SDR39U1: variants seen among roughly 807,000 people sequenced by gnomAD.
The protein encoded by SDR39U1 is short chain dehydrogenase/reductase family 39U member 1.
Under a neutral mutation model 31.7 loss-of-function variants are expected in SDR39U1, and 29 were observed. The ratio of observed to expected loss-of-function variants is 0.92; its 90% CI spans 0.68 to 1.25. The LOEUF (loss-of-function observed/expected upper bound fraction) is 1.25. Among genes scored for constraint, SDR39U1 ranks in the 50% most tolerant of loss-of-function variants. The pLI, the probability that SDR39U1 is intolerant of heterozygous loss-of-function variation, is 0.00. For missense variants in SDR39U1, 403 were observed against 378.4 expected, an observed-to-expected ratio of 1.06 and a Z score of -0.54; for synonymous variants, 147 against 159.0, an observed-to-expected ratio of 0.92 and a Z score of 0.57.
chr14:24,440,876 C>T lies in SDR39U1; in HGVS notation c.379G>A (p.Gly127Arg), dbSNP rs1226575949. 10 of 1,614,024 alleles carry T rather than the reference C, an allele frequency of 6.2e-6. No homozygotes were observed. Among genetic ancestry groups the T allele is most frequent in the East Asian group, 2.2e-5 (1 of 44,882 alleles). ...AGGTTGGAGAAAAAGTCAAAGTCCC[C>T]TCCTGGGCTGTCTTCATCATACTCC... ...TAEYDEDSPGGDFDFFSNLVT... is the reference protein window; with the variant it reads ...TAEYDEDSPGRDFDFFSNLVT... The change falls in exon 5 of 6, where the codon GGG (glycine) becomes AGG (arginine). Residue 127 changes from glycine to arginine, a missense_variant. Coordinates refer to ENST00000399395, the MANE Select transcript of SDR39U1 (RefSeq NM_020195.3).
intron 3 of SDR39U1, 34 bp from the exon 4 acceptor site, chr14:24,441,829 A>G (rs757022141): frequency 2.5e-6 from 4 of 1,594,274 alleles, no homozygotes; most frequent in South Asian, 1.1e-5. Flanking sequence ...AAAAGCCACT[A>G]AATACATAAG....
upstream of SDR39U1, chr14:24,442,794 C>T (rs1566509031): frequency 1.2e-6 from 2 of 1,613,900 alleles, no homozygotes; most frequent in South Asian, 1.1e-5. Context: ...AACGCGCCTG[C>T]GTAAAGTTTA....
intron 4 of SDR39U1, 138 bp from the exon 5 acceptor site, chr14:24,441,064 C>G: frequency 1.0e-6 from 1 of 955,338 alleles, no homozygotes; most frequent in African/African-American, 1.6e-5. Context: ...GGATATTTTC[C>G]CCTTGAACTT....
Position 24,440,283 on chromosome 14 carries a change from A to G in SDR39U1, c.682T>C (p.Phe228Leu). Residue 228 changes from phenylalanine to leucine, a missense_variant, in exon 6 of 6, where the codon TTT (phenylalanine) becomes CTT (leucine). Transcript: ENST00000399395. Reference sequence around the variant, plus strand: ...AGGGCAGCACCCAAGGTCTGGGCAAACTCAGCATTAGTGGCGGAGGATGGA... The same window carrying G: ...AGGGCAGCACCCAAGGTCTGGGCAAGCTCAGCATTAGTGGCGGAGGATGGA... ...VAPSSATNAE[F>L]AQTLGAALGR... The G allele has an allele frequency of 6.2e-7, 1 of 1,613,998 alleles. No individual in the cohort carries two copies. The highest frequency in any genetic ancestry group is 8.5e-7 in the Non-Finnish European group (1 of 1,179,882).
intron 5 of SDR39U1, 116 bp from the exon 6 acceptor site, chr14:24,440,608 C>T (rs1397349319): frequency 1.4e-6 from 2 of 1,387,184 alleles, no homozygotes; most frequent in African/African-American, 1.4e-5. Flanking sequence ...GGCTCTGTAA[C>T]AGAAGTGAGC....
chr14:24,442,802 T>C (rs17184766), upstream of SDR39U1: 238,339 of 1,611,798 alleles, frequency 0.15, 18,111 homozygotes, highest in East Asian at 0.22. Context: ...TGCGTAAAGT[T>C]TAGAGTTTAC....
rs939959394 is a variant in SDR39U1 at position 24,442,029 on chromosome 14, G to C, written c.206+149C>G. 10 of 1,513,834 alleles carry C rather than the reference G, an allele frequency of 6.6e-6. No individual in the cohort carries two copies. In the Admixed American group the frequency reaches 1.4e-4, roughly 21 times the overall value. The allele number at this position is 1,513,834 out of a possible 1,614,324, so 93.8% of individuals were successfully genotyped here. ...CTGACTGGGTGGAGGAGCAGGTGGGGGTGGAGGAGTGGAGCAGAATGAGTA... is the reference window on the plus strand; with the variant it reads ...CTGACTGGGTGGAGGAGCAGGTGGGCGTGGAGGAGTGGAGCAGAATGAGTA... On this transcript the variant is annotated intron_variant, in intron 3 of 5. Coordinates refer to ENST00000399395, the MANE Select transcript of SDR39U1 (RefSeq NM_020195.3).
chr14:24,442,789 G>A (rs761290369), upstream of SDR39U1: 1 of 1,613,836 alleles, frequency 6.2e-7, no homozygotes, highest in Non-Finnish European at 8.5e-7. Flanking sequence ...GACCTAACGC[G>A]CCTGCGTAAA....
intron 5 of SDR39U1, 140 bp from the exon 6 acceptor site, chr14:24,440,632 T>G: frequency 7.4e-7 from 1 of 1,354,982 alleles, no homozygotes; most frequent in Non-Finnish European, 1.0e-6. Flanking sequence ...ATGGCTGTCT[T>G]TAAGACCTCA....
chr14:24,439,856 GA>G lies in SDR39U1; in HGVS notation c.*226del, dbSNP rs1326742414. ...GTGGGGCAGCTGCAGGACATGTAGA[GA>G]AACCAAACTGGGAAATCTTACAAGG... On this transcript the variant is annotated 3_prime_UTR_variant, in exon 6 of 6. Coordinates refer to ENST00000399395, the MANE Select transcript of SDR39U1 (RefSeq NM_020195.3). 4.0e-6 allele frequency: 2 copies of G among 498,274 alleles called. No individual in the cohort carries two copies. Among genetic ancestry groups the G allele is most frequent in the Admixed American group, 3.7e-5 (1 of 27,076 alleles). The allele number at this position is 498,274 out of a possible 1,614,324, so 30.9% of individuals were successfully genotyped here. A position where few individuals can be genotyped will look rare whatever the true frequency, so the allele number is the denominator to read the frequency against.
At chr14:24,441,075 C>T in intron 4 of SDR39U1, 149 bp from the exon 5 acceptor site, 1 of 859,526 alleles carries the variant, frequency 1.2e-6, no homozygotes, top group African/African-American at 1.7e-5. Flanking sequence ...CCTTGAACTT[C>T]TCCATGACCT....
At position 24,441,739 on chromosome 14, in the gene SDR39U1, A is replaced by C. The variant is rs748986744; in HGVS notation, c.263T>G (p.Leu88Trp). The change falls in exon 4 of 6, where the codon TTG becomes TGG. Residue 88 changes from leucine (L) to tryptophan (W), a missense_variant. Transcript: ENST00000399395. ...GGCTTTGGTGATGGCTTTAGCCAGC[A>C]ATTGGGTGGTCTCTAGGCGGCTGCC... Reference protein sequence around the residue: ...VIGSRLETTQLLAKAITKAPQ... With the variant: ...VIGSRLETTQWLAKAITKAPQ... The C allele has an allele frequency of 3.7e-5, 59 of 1,602,508 alleles. No individual in the cohort carries two copies. Among genetic ancestry groups the C allele is most frequent in the Non-Finnish European group, 4.7e-5 (55 of 1,176,792 alleles).
Position 24,442,745 on chromosome 14 carries a change from C to A in SDR39U1, c.16+9G>T, listed in dbSNP as rs1309434067. On this transcript the variant is annotated intron_variant, in intron 1 of 5. Coordinates refer to ENST00000399395, the MANE Select transcript of SDR39U1 (RefSeq NM_020195.3). ...CCGCCCAGCACTCTCCCTTTCTGCC[C>A]TCCCTCACCCACAAGCACACGCATA... 6.2e-7 allele frequency: 1 copy of A among 1,614,014 alleles called. No individual in the cohort carries two copies. The highest frequency in any genetic ancestry group is 2.2e-5 in the East Asian group (1 of 44,888).
chr14:24,439,871 A>C lies in SDR39U1; in HGVS notation c.*212T>G. ...GACATGTAGAGAAACCAAACTGGGA[A>C]ATCTTACAAGGAGTTGAAAAGATTA... On this transcript the variant is annotated 3_prime_UTR_variant, in exon 6 of 6. Transcript: ENST00000399395. 1 of 508,920 alleles carries C rather than the reference A, an allele frequency of 2.0e-6. No homozygotes were observed. Among genetic ancestry groups the C allele is most frequent in the Non-Finnish European group, 3.5e-6 (1 of 289,664 alleles). The allele number at this position is 508,920 out of a possible 1,614,324, so 31.5% of individuals were successfully genotyped here. A position where few individuals can be genotyped will look rare whatever the true frequency, so the allele number is the denominator to read the frequency against.
rs764700184 is a variant in SDR39U1 at position 24,440,863 on chromosome 14, AAGTC to A, written c.388_391del (p.Asp130PhefsTer6). Reference sequence around the variant, plus strand: ...CCATTTGGTTACGAGGTTGGAGAAAAAGTCAAAGTCCCCTCCTGGGCTGTCTTCA... The same window carrying A: ...CCATTTGGTTACGAGGTTGGAGAAAAAAAGTCCCCTCCTGGGCTGTCTTCA... On this transcript the variant is annotated frameshift_variant, in exon 5 of 6. Coordinates refer to ENST00000399395, the MANE Select transcript of SDR39U1 (RefSeq NM_020195.3). LOFTEE classifies it high-confidence loss of function. The A allele has an allele frequency of 6.2e-6, 10 of 1,613,818 alleles. No homozygotes were observed. Among genetic ancestry groups the A allele is most frequent in the African/African-American group, 4.0e-5 (3 of 74,904 alleles).
At chr14:24,441,226 T>C (rs2043329645) in intron 4 of SDR39U1, 1 of 496,428 alleles carries the variant, frequency 2.0e-6, no homozygotes, top group Non-Finnish European at 3.6e-6. Flanking sequence ...TCTGACTTGA[T>C]GCAAGTTACT....
chr14:24,439,977 A>G lies in SDR39U1; in HGVS notation c.*106T>C, dbSNP rs1412472781. On this transcript the variant is annotated 3_prime_UTR_variant, in exon 6 of 6. Transcript: ENST00000399395. ...AATGGGAAAGAGGACTGGGAGAGGA[A>G]TCTAAGAACCAGATGGCTTCAGCTC... 1 of 865,798 alleles carries G rather than the reference A, an allele frequency of 1.2e-6. No homozygotes were observed. 53.6% of individuals were successfully genotyped at this position (865,798 alleles called of 1,614,324 possible).
In SDR39U1 at chr14:24,439,931, A is replaced by C. The variant is rs1413799729; in HGVS notation, c.*152T>G. 1.6e-5 allele frequency: 10 copies of C among 637,812 alleles called. No individual in the cohort carries two copies. The African/African-American group carries it at 1.8e-4, about 12-fold the overall frequency. 39.5% of individuals were successfully genotyped at this position (637,812 alleles called of 1,614,324 possible). On this transcript the variant is annotated 3_prime_UTR_variant, in exon 6 of 6. Coordinates refer to ENST00000399395, the MANE Select transcript of SDR39U1 (RefSeq NM_020195.3). Reference sequence around the variant, plus strand: ...CCTGATGAGATTACGGCCTTGAGACAATAAGGTGGAGCAACAGAACAATGG... The same window carrying C: ...CCTGATGAGATTACGGCCTTGAGACCATAAGGTGGAGCAACAGAACAATGG...
chr14:24,441,341 A>C lies in SDR39U1; in HGVS notation c.328+333T>G, dbSNP rs2043332803. The C allele has an allele frequency of 2.4e-5, 11 of 456,150 alleles. No individual in the cohort carries two copies. The South Asian group carries it at 2.7e-4, about 11-fold the overall frequency. 28.3% of individuals were successfully genotyped at this position (456,150 alleles called of 1,614,324 possible). A position where few individuals can be genotyped will look rare whatever the true frequency, so the allele number is the denominator to read the frequency against. ...ATGATAATAAGCATAAAACACTTCA[A>C]ATAGTGGCTGGTGTGTATAATTGTT... On this transcript the variant is annotated intron_variant, in intron 4 of 5. Transcript: ENST00000399395.
Sources: gnomAD v4.1 joint callset for allele counts on GRCh38, gnomAD v4.1.1 for gene constraint, MANE v1.5 for transcripts, NCBI Gene and HGNC (gene_info 2026-07-23, HGNC 2026-07-21) for gene names.